The following ADCY5 variants were observed in gnomAD, a reference collection of about 807,000 sequenced individuals.
ADCY5 encodes the protein adenylate cyclase 5, also known as adenylate cyclase type 5.
ADCY5 carries 30 observed loss-of-function variants against 119.7 expected under a neutral mutation model. That is an observed-to-expected ratio of 0.25 (90% CI 0.19 to 0.34). ADCY5 has a LOEUF of 0.34. ADCY5 is among the 10% of genes least tolerant of loss of function. The probability of loss-of-function intolerance (pLI) is 1.00; values close to 1 mark genes in which losing one functional copy is unlikely to be tolerated. For missense variants in ADCY5, 1,324 were observed against 1,775.2 expected (o/e 0.75, Z 4.57); for synonymous variants, 753 against 762.2 (o/e 0.99, Z 0.20).
chr3:123,385,257 T>A (rs1321143916), intron 1 of ADCY5, among the ~76,000 whole-genome samples: 2 of 150,588 alleles, frequency 1.3e-5, no homozygotes, highest in Admixed American at 1.3e-4. Flanking sequence ...GTACACATCC[T>A]TCTAGGGGCA....
At chr3:123,324,198 G>A (rs576778203) in intron 8 of ADCY5, among the ~76,000 whole-genome samples, 1 of 152,070 alleles carries the variant, frequency 6.6e-6, no homozygotes, top group African/African-American at 2.4e-5. Flanking sequence ...TCTGCTACAT[G>A]TTGGCTAACA....
At chr3:123,381,862 G>A (rs2107559849) in intron 1 of ADCY5, among the ~76,000 whole-genome samples, 1 of 152,250 alleles carries the variant, frequency 6.6e-6, no homozygotes, top group Middle Eastern at 3.4e-3. Flanking sequence ...TTTCAACAAA[G>A]CAACCAGAGG....
At chr3:123,348,596 G>A (rs1942687587) in intron 2 of ADCY5, among the ~76,000 whole-genome samples, 1 of 152,196 alleles carries the variant, frequency 6.6e-6, no homozygotes, top group Non-Finnish European at 1.5e-5. Flanking sequence ...CAGTGGCCCA[G>A]GAGAGTGGGA....
At chr3:123,440,978 C>T (rs1195994414) in intron 1 of ADCY5, among the ~76,000 whole-genome samples, 1 of 152,210 alleles carries the variant, frequency 6.6e-6, no homozygotes, top group Non-Finnish European at 1.5e-5. Context: ...AATAAGTCTG[C>T]ATGTATGCAC....
intron 2 of ADCY5, among the ~76,000 whole-genome samples, chr3:123,349,013 C>T (rs892031277): frequency 2.6e-5 from 4 of 152,192 alleles, no homozygotes; most frequent in Admixed American, 1.3e-4. Flanking sequence ...GCCCCATTCA[C>T]GCCTGCACTC....
rs72964533 is a variant in ADCY5 at position 123,303,521 on chromosome 3, T to C, written c.2560-302A>G. On this transcript the variant is annotated intron_variant, in intron 13 of 20. Transcript: ENST00000462833. ...ATGAAGAGCTAAGAACTTCACTTAG[T>C]GGGAGAGTAGCCAAGCATAGTGGCT... 0.029 allele frequency among the ~76,000 whole-genome samples: 4,383 copies of C among 152,110 alleles called. 202 individuals carry two copies. The highest frequency in any genetic ancestry group is 0.099 in the African/African-American group (4,092 of 41,490).
intron 1 of ADCY5, among the ~76,000 whole-genome samples, chr3:123,415,526 C>T (rs950516370): frequency 7.2e-5 from 11 of 152,152 alleles, no homozygotes; most frequent in African/African-American, 2.7e-4. Flanking sequence ...AACTAACGAG[C>T]CTCTCTTCAG....
chr3:123,413,201 C>T (rs965313316), intron 1 of ADCY5, among the ~76,000 whole-genome samples: 1 of 152,220 alleles, frequency 6.6e-6, no homozygotes, highest in Non-Finnish European at 1.5e-5. Flanking sequence ...AAGGACCAGG[C>T]TGTTTTCTTA....
intron 8 of ADCY5, among the ~76,000 whole-genome samples, chr3:123,324,749 C>A (rs937438655): frequency 2.6e-5 from 4 of 152,220 alleles, no homozygotes; most frequent in African/African-American, 9.6e-5. Context: ...CGACCATGGC[C>A]TCCCCGACTT....
chr3:123,348,126 C>A (rs1271271667), intron 2 of ADCY5, among the ~76,000 whole-genome samples: 4 of 142,978 alleles, frequency 2.8e-5, no homozygotes. Flanking sequence ...CCCCGGGACA[C>A]CAGCTAATCC....
At chr3:123,378,757 CCT>C (rs1244661091) in intron 1 of ADCY5, among the ~76,000 whole-genome samples, 1 of 152,224 alleles carries the variant, frequency 6.6e-6, no homozygotes, top group Non-Finnish European at 1.5e-5. Flanking sequence ...GGATGCAGGT[CCT>C]GTCCCCAGCT....
At chr3:123,359,402 C>A (rs1353380051) in intron 1 of ADCY5, among the ~76,000 whole-genome samples, 2 of 139,630 alleles carry the variant, frequency 1.4e-5, no homozygotes, top group Non-Finnish European at 3.0e-5. Context: ...TTGAGTGACC[C>A]ATATTTTACT....
intron 1 of ADCY5, among the ~76,000 whole-genome samples, chr3:123,368,698 G>A (rs1041092528): frequency 1.9e-4 from 29 of 149,924 alleles, no homozygotes; most frequent in African/African-American, 7.1e-4. Flanking sequence ...GTTGCAGTGA[G>A]TTTAGATGGT....
At chr3:123,303,011 AG>A (rs758031595) in intron 14 of ADCY5, 43 bp downstream of exon 14, 1 of 1,601,438 alleles carries the variant, frequency 6.2e-7, no homozygotes, top group Non-Finnish European at 8.5e-7. Flanking sequence ...GGGGAGGGCA[AG>A]GGACTCTTCA....
intron 1 of ADCY5, among the ~76,000 whole-genome samples, chr3:123,392,785 G>A (rs1294146642): frequency 6.6e-6 from 1 of 151,414 alleles, no homozygotes; most frequent in East Asian, 1.9e-4. Flanking sequence ...TCTCTTGCAC[G>A]CTATACCTCC....
chr3:123,439,044 G>T (rs1162637550), intron 1 of ADCY5, among the ~76,000 whole-genome samples: 1 of 128,992 alleles, frequency 7.8e-6, no homozygotes, highest in Non-Finnish European at 1.6e-5. Context: ...GAGCCACTGT[G>T]CCTGGTCCCA....
intron 1 of ADCY5, among the ~76,000 whole-genome samples, chr3:123,395,511 A>G (rs1031260027): frequency 1.3e-5 from 2 of 152,104 alleles, no homozygotes; most frequent in African/African-American, 4.8e-5. Context: ...AGACACTCCT[A>G]TTTGGTTCCC....
At chr3:123,426,112 C>G (rs934039861) in intron 1 of ADCY5, among the ~76,000 whole-genome samples, 4 of 152,146 alleles carry the variant, frequency 2.6e-5, no homozygotes, top group Admixed American at 1.3e-4. Context: ...CTACACAACC[C>G]TCTGGGGAGC....
chr3:123,432,475 C>T (rs962727669), intron 1 of ADCY5, among the ~76,000 whole-genome samples: 7 of 152,116 alleles, frequency 4.6e-5, no homozygotes, highest in Non-Finnish European at 8.8e-5. Context: ...AGCACAGTGG[C>T]GGATCCTAGA....
Sources: gnomAD v4.1 joint callset for allele counts (sites outside exome capture counted in the v4.1 genomes callset) on GRCh38, gnomAD v4.1.1 for gene constraint, MANE v1.5 for transcripts, NCBI Gene and HGNC (gene_info 2026-07-23, HGNC 2026-07-21) for gene names.